KHDC1: variants seen among roughly 807,000 people sequenced by gnomAD.
KHDC1 encodes KH domain containing 1, also known as KH homology domain-containing protein 1.
KHDC1 carries 21 observed loss-of-function variants against 24.7 expected under a neutral mutation model. The ratio of observed to expected loss-of-function variants is 0.85; its 90% CI spans 0.60 to 1.23. The LOEUF is 1.23. Among genes scored for constraint, KHDC1 ranks in the 50% most tolerant of loss-of-function variants. The probability of loss-of-function intolerance (pLI) is 0.00; values close to 1 mark genes in which losing one functional copy is unlikely to be tolerated. For missense variants in KHDC1, 274 were observed against 298.5 expected (o/e 0.92, Z 0.61); for synonymous variants, 98 against 111.7 (o/e 0.88, Z 0.77).
intron 2 of KHDC1, among the ~76,000 whole-genome samples, chr6:73,289,326 T>TC (rs1242271982): frequency 1.5e-5 from 1 of 65,016 alleles, no homozygotes; most frequent in East Asian, 5.3e-4. Context: ...AGAGTGAGAC[T>TC]CCATCTCAAA....
chr6:73,241,986 A>G (rs1252809997), intron 4 of KHDC1, 69 bp downstream of exon 3: 3 of 1,495,698 alleles, frequency 2.0e-6, no homozygotes, highest in Admixed American at 4.2e-5. Flanking sequence ...CAAGAATCCA[A>G]GATGCTACAC....
At chr6:73,249,436 C>T (rs1218731574) in intron 2 of KHDC1, among the ~76,000 whole-genome samples, 3 of 152,108 alleles carry the variant, frequency 2.0e-5, no homozygotes, top group Admixed American at 2.0e-4. Context: ...TCCAAAGTAC[C>T]ACATAGGACC....
rs746783459 is a variant in KHDC1, at chr6:73,242,018, C to T, written c.514+37G>A. On this transcript the variant is annotated intron_variant, in intron 4 of 4. Transcript: ENST00000370384. ...ACACAACTTAGCCAGAACTCCACCA[C>T]CAAGTCTAAAACCACAGTTCAGCCA... The T allele has an allele frequency of 1.9e-5, 30 of 1,578,274 alleles. No homozygotes were observed. The East Asian group carries it at 6.5e-4, about 34-fold the overall frequency.
chr6:73,278,676 G>T (rs1767347372), intron 2 of KHDC1, among the ~76,000 whole-genome samples: 1 of 152,030 alleles, frequency 6.6e-6, no homozygotes, highest in Non-Finnish European at 1.5e-5. Flanking sequence ...TTTTATTACA[G>T]TATATTGTTG....
At chr6:73,258,313 C>T (rs1000015999) in intron 2 of KHDC1, among the ~76,000 whole-genome samples, 3 of 151,974 alleles carry the variant, frequency 2.0e-5, no homozygotes, top group Admixed American at 2.0e-4. Context: ...TGTGGTGGCA[C>T]GCACCTATAG....
chr6:73,280,364 T>C (rs1003290193), intron 2 of KHDC1, among the ~76,000 whole-genome samples: 2 of 151,730 alleles, frequency 1.3e-5, no homozygotes, highest in African/African-American at 4.8e-5. Flanking sequence ...GGTTTTGCCA[T>C]GTTGTCCAGG....
At chr6:73,293,334 C>A in intron 1 of KHDC1, 1 of 515,126 alleles carries the variant, frequency 1.9e-6, no homozygotes, top group Non-Finnish European at 3.6e-6. Flanking sequence ...AATAATAAAA[C>A]TATTATATAA....
At chr6:73,282,246 A>T (rs955971715) in intron 2 of KHDC1, among the ~76,000 whole-genome samples, 3 of 150,924 alleles carry the variant, frequency 2.0e-5, no homozygotes, top group Non-Finnish European at 4.4e-5. Flanking sequence ...ATGCCACTCT[A>T]GTGGAGTTTG....
chr6:73,261,524 C>A (rs188672677), intron 2 of KHDC1, among the ~76,000 whole-genome samples: 61 of 152,068 alleles, frequency 4.0e-4, no homozygotes, highest in African/African-American at 1.4e-3. Flanking sequence ...AATCCCAACA[C>A]TTTGGGAGGT....
At chr6:73,248,145 CGA>C (rs1766704041) in intron 2 of KHDC1, among the ~76,000 whole-genome samples, 1 of 152,138 alleles carries the variant, frequency 6.6e-6, no homozygotes, top group Non-Finnish European at 1.5e-5. Flanking sequence ...GGTAAGGCAT[CGA>C]GACTGGCTAT....
intron 2 of KHDC1, among the ~76,000 whole-genome samples, chr6:73,264,230 C>T (rs972550052): frequency 3.3e-5 from 5 of 152,070 alleles, no homozygotes; most frequent in Non-Finnish European, 7.4e-5. Context: ...AGGTATGGGA[C>T]CTTGCAATCT....
intron 2 of KHDC1, among the ~76,000 whole-genome samples, chr6:73,249,791 C>T (rs1240965943): frequency 2.6e-5 from 4 of 151,792 alleles, no homozygotes; most frequent in Non-Finnish European, 5.9e-5. Context: ...GCCCTATTAC[C>T]CAGTCCAGAG....
chr6:73,309,796 C>A, exon 1 of KHDC1: 1 of 1,478,834 alleles, frequency 6.8e-7, no homozygotes. Context: ...AGCCCGCCGG[C>A]GGGAAGAGAC....
At chr6:73,273,414 C>G (rs1442814339) in intron 2 of KHDC1, among the ~76,000 whole-genome samples, 2 of 152,130 alleles carry the variant, frequency 1.3e-5, no homozygotes, top group Non-Finnish European at 2.9e-5. Context: ...GTGATCCCCC[C>G]GCCTCGGCCT....
At chr6:73,252,203 C>T (rs1191076845) in intron 2 of KHDC1, among the ~76,000 whole-genome samples, 1 of 151,986 alleles carries the variant, frequency 6.6e-6, no homozygotes. Flanking sequence ...CCACCATACC[C>T]AGCTAATTTT....
chr6:73,248,385 CTCTA>C (rs979822160), intron 2 of KHDC1, among the ~76,000 whole-genome samples: 15 of 151,248 alleles, frequency 9.9e-5, no homozygotes, highest in East Asian at 3.9e-4. Flanking sequence ...TCTCTCTCTC[CTCTA>C]TCTGTCTCTC....
At chr6:73,258,448 A>T (rs1766922444) in intron 2 of KHDC1, among the ~76,000 whole-genome samples, 1 of 152,260 alleles carries the variant, frequency 6.6e-6, no homozygotes, top group African/African-American at 2.4e-5. Flanking sequence ...GTCTCAAAAA[A>T]GAAAAAAAAA....
chr6:73,293,146 C>G (rs1767687692), intron 1 of KHDC1: 1 of 774,396 alleles, frequency 1.3e-6, no homozygotes, highest in East Asian at 2.9e-5. Flanking sequence ...ACCCTATCAG[C>G]AAGTGATTGA....
intron 1 of KHDC1, among the ~76,000 whole-genome samples, chr6:73,309,203 T>G (rs767911484): frequency 7.9e-5 from 12 of 152,238 alleles, no homozygotes; most frequent in Non-Finnish European, 1.3e-4. Flanking sequence ...TCCTAGGGTA[T>G]CTAAGTGACG....
Sources: allele counts gnomAD v4.1 joint callset (sites outside exome capture counted in the v4.1 genomes callset), GRCh38; gene constraint gnomAD v4.1.1; transcripts MANE v1.5; gene names NCBI Gene and HGNC (gene_info 2026-07-23, HGNC 2026-07-21).